Variants in PHKB observed in about 807,000 individuals in gnomAD.
The protein encoded by PHKB is phosphorylase kinase regulatory subunit beta, also known as phosphorylase b kinase regulatory subunit beta.
In PHKB, 122 loss-of-function variants were observed where a neutral mutation model predicts 152.1. The observed-to-expected ratio is 0.80, with a 90% CI of 0.69 to 0.93. The LOEUF (loss-of-function observed/expected upper bound fraction) is 0.93, where lower values mean the gene tolerates loss of function less well. PHKB is among the 40% of genes least tolerant of loss of function. The pLI, the probability that PHKB is intolerant of heterozygous loss-of-function variation, is 0.00. For synonymous variants in PHKB, 436 were observed against 464.9 expected, an observed-to-expected ratio of 0.94 and a Z score of 0.80; for missense variants, 1,304 against 1,328.4, an observed-to-expected ratio of 0.98 and a Z score of 0.29.
At chr16:47,651,065 C>T in intron 20 of PHKB, 144 bp downstream of exon 20, 1 of 706,408 alleles carries the variant, frequency 1.4e-6, no homozygotes, top group Non-Finnish European at 2.5e-6. Flanking sequence ...TGTCACTTTT[C>T]CAGTTTATCT....
intron 6 of PHKB, among the ~76,000 whole-genome samples, chr16:47,527,603 C>T (rs1389513621): frequency 6.6e-6 from 1 of 152,120 alleles, no homozygotes; most frequent in Admixed American, 6.6e-5. Flanking sequence ...CTAGAAACAC[C>T]ATAATTTACT....
intron 6 of PHKB, among the ~76,000 whole-genome samples, chr16:47,533,046 GC>G (rs1970888884): frequency 6.6e-6 from 1 of 152,180 alleles, no homozygotes; most frequent in Non-Finnish European, 1.5e-5. Context: ...GGAGTGGGAA[GC>G]TCCCCTCTGC....
intron 26 of PHKB, 79 bp downstream of exon 26, chr16:47,669,496 C>T (rs1973600995): frequency 1.6e-6 from 2 of 1,266,256 alleles, no homozygotes; most frequent in Non-Finnish European, 2.3e-6. Flanking sequence ...CCAAGTGAAG[C>T]AATGTTCCTG....
In PHKB at chr16:47,499,900, C is replaced by G. The variant is rs985892081; in HGVS notation, c.305+6C>G. ...GCTTTGGCTCTTGCATACAGGTGAG[C>G]TGGTGTGTGTTCTCCTCGTAACTTT... is the stretch of plus-strand genomic sequence containing the variant. On this transcript the variant is annotated splice_donor_region_variant and intron_variant, in intron 3 of 30. Transcript: ENST00000323584. 2.5e-6 allele frequency: 4 copies of G among 1,613,950 alleles called. No individual in the cohort carries two copies. In the African/African-American group the frequency reaches 4.0e-5, roughly 16 times the overall value.
In PHKB at chr16:47,650,913, C is replaced by T. The variant is rs750311549; in HGVS notation, c.1963C>T (p.Arg655Cys). ...IIGGVKVHVD[R>C]LQTLISGAVV... ...TGGAGGAGTCAAAGTTCATGTGGATCGTCTACAGGTAGCCTTCTGATTTTC... is the reference window on the plus strand; with the variant it reads ...TGGAGGAGTCAAAGTTCATGTGGATTGTCTACAGGTAGCCTTCTGATTTTC... The change falls in exon 20 of 31, where the codon CGT (arginine) becomes TGT (cysteine). Residue 655 changes from arginine (R) to cysteine (C), a missense_variant. Arg to Cys is a radical substitution (Grantham distance 180). Coordinates refer to ENST00000323584, the MANE Select transcript of PHKB (RefSeq NM_000293.3). The T allele has an allele frequency of 5.0e-6, 8 of 1,608,224 alleles. No individual in the cohort carries two copies. The South Asian group carries it at 5.5e-5, about 11-fold the overall frequency.
chr16:47,500,850 A>T (rs757730394), intron 3 of PHKB, among the ~76,000 whole-genome samples: 1 of 152,208 alleles, frequency 6.6e-6, no homozygotes, highest in Non-Finnish European at 1.5e-5. Context: ...CTGAATATTA[A>T]TTTCCTGAAA....
At position 47,475,071 on chromosome 16, in the gene PHKB, T is replaced by C. The variant is rs574319850; in HGVS notation, c.76+13645T>C. 1.4e-4 allele frequency among the ~76,000 whole-genome samples: 22 copies of C among 152,324 alleles called. No homozygotes were observed. The South Asian group carries it at 4.1e-3, about 29-fold the overall frequency. On this transcript the variant is annotated intron_variant, in intron 1 of 30. Coordinates refer to ENST00000323584, the MANE Select transcript of PHKB (RefSeq NM_000293.3). ...GCTTACAGGACAGCTTATTGTTAAC[T>C]TTTTATAATTCGCATCTAAACTTTT...
intron 8 of PHKB, among the ~76,000 whole-genome samples, chr16:47,584,157 A>G (rs1971897036): frequency 6.6e-6 from 1 of 152,122 alleles, no homozygotes; most frequent in South Asian, 2.1e-4. Context: ...CCTAGTTTCC[A>G]TAATGATTTG....
intron 1 of PHKB, among the ~76,000 whole-genome samples, chr16:47,494,649 G>A (rs555814666): frequency 3.9e-5 from 6 of 152,214 alleles, no homozygotes; most frequent in South Asian, 4.1e-4. Flanking sequence ...TGATGTTTGC[G>A]TATAGACATA....
At chr16:47,528,479 T>C (rs1970803409) in intron 6 of PHKB, among the ~76,000 whole-genome samples, 1 of 152,132 alleles carries the variant, frequency 6.6e-6, no homozygotes. Flanking sequence ...CTCAATAAAT[T>C]TTATGAGATT....
At chr16:47,654,965 TAAAGAA>T (rs1276326818) in intron 20 of PHKB, among the ~76,000 whole-genome samples, 1 of 151,100 alleles carries the variant, frequency 6.6e-6, no homozygotes, top group Non-Finnish European at 1.5e-5. Context: ...AAAAAATAAA[TAAAGAA>T]AAGAAAAAAA....
chr16:47,469,738 G>A (rs1267872371), intron 1 of PHKB, among the ~76,000 whole-genome samples: 1 of 152,108 alleles, frequency 6.6e-6, no homozygotes, highest in African/African-American at 2.4e-5. Flanking sequence ...ACTTGCACGT[G>A]TACCCCTAAA....
chr16:47,686,890 T>C (rs933535524), intron 26 of PHKB, among the ~76,000 whole-genome samples: 4 of 152,182 alleles, frequency 2.6e-5, no homozygotes, highest in African/African-American at 7.2e-5. Context: ...AAATTAGCAG[T>C]AATTTTTTTA....
intron 16 of PHKB, among the ~76,000 whole-genome samples, chr16:47,645,791 A>G (rs1184726128): frequency 2.8e-5 from 4 of 144,684 alleles, no homozygotes; most frequent in Non-Finnish European, 6.1e-5. Flanking sequence ...GCTCATCATC[A>G]CTGGCCATCA....
chr16:47,525,072 C>T (rs1970744359), intron 6 of PHKB, among the ~76,000 whole-genome samples: 1 of 152,064 alleles, frequency 6.6e-6, no homozygotes, highest in African/African-American at 2.4e-5. Context: ...TGTGAATTTT[C>T]AGTAGAATTT....
intron 1 of PHKB, among the ~76,000 whole-genome samples, chr16:47,492,722 C>T (rs73547296): frequency 0.052 from 7,907 of 152,204 alleles, 353 homozygotes; most frequent in African/African-American, 0.12. Context: ...CTTCTCAACA[C>T]CTGGGAGTGA....
intron 28 of PHKB, among the ~76,000 whole-genome samples, chr16:47,694,523 T>G (rs1484386351): frequency 3.9e-5 from 6 of 152,188 alleles, no homozygotes; most frequent in African/African-American, 1.4e-4. Context: ...GTGTGGGCTC[T>G]TCCCTGGAAC....
intron 26 of PHKB, among the ~76,000 whole-genome samples, chr16:47,685,285 T>C (rs944526412): frequency 6.6e-6 from 1 of 152,042 alleles, no homozygotes; most frequent in African/African-American, 2.4e-5. Flanking sequence ...ATTAGCTGGG[T>C]GTGGTGGCGC....
intron 20 of PHKB, among the ~76,000 whole-genome samples, chr16:47,656,451 C>T (rs1213553319): frequency 1.3e-5 from 2 of 152,162 alleles, no homozygotes; most frequent in Non-Finnish European, 2.9e-5. Context: ...TTACAGTCAT[C>T]AGTAACCCAA....
Sources: allele counts gnomAD v4.1 joint callset (sites outside exome capture counted in the v4.1 genomes callset), GRCh38; gene constraint gnomAD v4.1.1; transcripts MANE v1.5; gene names NCBI Gene and HGNC (gene_info 2026-07-23, HGNC 2026-07-21).